The following SRSF11 variants were observed in gnomAD, a reference collection of about 807,000 sequenced individuals.
The protein encoded by SRSF11 is serine and arginine rich splicing factor 11.
SRSF11 carries 9 observed loss-of-function variants against 56.0 expected under a neutral mutation model. That is an observed-to-expected ratio of 0.16 (90% CI 0.10 to 0.28). SRSF11 has a LOEUF of 0.28. SRSF11 is among the 10% of genes least tolerant of loss of function. The pLI is 1.00. For synonymous variants in SRSF11, 222 were observed against 215.3 expected (o/e 1.03, Z -0.27); for missense variants, 421 against 600.7 (o/e 0.70, Z 3.13).
In SRSF11 at chr1:70,251,976, CTT is replaced by C. The variant is rs1274156002; in HGVS notation, c.*1173_*1174del. 1 of 152,574 alleles carries C rather than the reference CTT, an allele frequency of 6.6e-6. No homozygotes were observed. Among genetic ancestry groups the C allele is most frequent in the Non-Finnish European group, 1.5e-5 (1 of 67,990 alleles). The allele number at this position is 152,574 out of a possible 1,614,324, so 9.5% of individuals were successfully genotyped here. A position where few individuals can be genotyped will look rare whatever the true frequency, so the allele number is the denominator to read the frequency against. The stretch of plus-strand genomic sequence containing the variant: ...CAGTTTCTGAAATTGTTTTACAAGA[CTT>C]TGATAATAAAACCCTTAAACTTATG... On this transcript the variant is annotated 3_prime_UTR_variant, in exon 12 of 12. Transcript: ENST00000370949.
At chr1:70,247,897 G>A (rs1192690976) in intron 9 of SRSF11, among the ~76,000 whole-genome samples, 1 of 152,080 alleles carries the variant, frequency 6.6e-6, no homozygotes, top group African/African-American at 2.4e-5. Context: ...CAAATATCTA[G>A]TAAGTACATA....
At chr1:70,219,464 A>T (rs959829367), upstream of SRSF11, among the ~76,000 whole-genome samples, 11 of 152,244 alleles carry the variant, frequency 7.2e-5, no homozygotes, top group Non-Finnish European at 1.5e-4. Flanking sequence ...TTAGACAAGA[A>T]ATAAAAAGTC....
intron 7 of SRSF11, among the ~76,000 whole-genome samples, chr1:70,240,163 A>C (rs979698949): frequency 6.6e-6 from 1 of 152,254 alleles, no homozygotes; most frequent in African/African-American, 2.4e-5. Flanking sequence ...GAAGTGATTT[A>C]TGCATACTTT....
At chr1:70,219,953 T>G (rs908767711), upstream of SRSF11, among the ~76,000 whole-genome samples, 2 of 152,272 alleles carry the variant, frequency 1.3e-5, no homozygotes, top group Non-Finnish European at 1.5e-5. Flanking sequence ...TTTGTTTGTT[T>G]TTACCTCCAA....
At chr1:70,241,336 CTGTTTT>C (rs1157482048) in intron 7 of SRSF11, among the ~76,000 whole-genome samples, 1 of 152,096 alleles carries the variant, frequency 6.6e-6, no homozygotes, top group African/African-American at 2.4e-5. Flanking sequence ...TCTTTTCACT[CTGTTTT>C]TATCTTTTAA....
intron 2 of SRSF11, chr1:70,230,717 AT>A: frequency 8.4e-7 from 1 of 1,196,962 alleles, no homozygotes; most frequent in Non-Finnish European, 1.1e-6. Context: ...TTTTTAATGG[AT>A]GCAGATCTTC....
chr1:70,249,724 A>AT (rs1301107935), intron 9 of SRSF11: 1 of 421,186 alleles, frequency 2.4e-6, no homozygotes, highest in Non-Finnish European at 4.4e-6. Context: ...CACCTGGCTA[A>AT]TTTTTTTGTA....
chr1:70,211,514 C>G (rs369173938), intron 1 of SRSF11, among the ~76,000 whole-genome samples: 3 of 152,070 alleles, frequency 2.0e-5, no homozygotes, highest in Non-Finnish European at 2.9e-5. Context: ...GGAGAAAAAT[C>G]TGAATAATTT....
rs752076257 is a variant in SRSF11, at chr1:70,232,092, T to G, written c.338-176T>G. 9 of 1,544,556 alleles carry G rather than the reference T, an allele frequency of 5.8e-6. No homozygotes were observed. The South Asian group carries it at 1.1e-4, about 19-fold the overall frequency. On this transcript the variant is annotated intron_variant, in intron 2 of 11. Transcript: ENST00000370949. The stretch of plus-strand genomic sequence containing the variant: ...GAAACAAATTTTCACACATTGAAGT[T>G]CATTCTGACATAAAATTAATGATAA...
upstream of SRSF11, among the ~76,000 whole-genome samples, chr1:70,216,796 C>T (rs1292190993): frequency 2.6e-5 from 4 of 152,156 alleles, no homozygotes; most frequent in African/African-American, 9.7e-5. Context: ...CTTTCCCTTA[C>T]TTACATCCAA....
intron 7 of SRSF11, among the ~76,000 whole-genome samples, chr1:70,242,366 CCCCCACA>C (rs932499723): frequency 1.2e-4 from 18 of 151,670 alleles, no homozygotes; most frequent in Admixed American, 5.9e-4. Context: ...ACACACACAC[CCCCCACA>C]CCCCACACCC....
chr1:70,214,630 A>T (rs1258913625), intron 1 of SRSF11, among the ~76,000 whole-genome samples: 1 of 152,176 alleles, frequency 6.6e-6, no homozygotes, highest in African/African-American at 2.4e-5. Context: ...TGAAAGAAGT[A>T]TTTGAAAATA....
In SRSF11 at chr1:70,221,482, A is replaced by AACGGCG; in HGVS notation, c.-154_-149dup. Reference sequence around the variant, plus strand: ...CCCGCGGCGTGCGGCGGGGCGGAGAAACGGCGGCGGCGGCGGCGGCATCGG... The same window carrying AACGGCG: ...CCCGCGGCGTGCGGCGGGGCGGAGAAACGGCGACGGCGGCGGCGGCGGCGGCATCGG... On this transcript the variant is annotated 5_prime_UTR_variant, in exon 1 of 12. Transcript: ENST00000370949. 8.9e-7 allele frequency: 1 copy of AACGGCG among 1,129,548 alleles called. No individual in the cohort carries two copies. Among genetic ancestry groups the AACGGCG allele is most frequent in the Non-Finnish European group, 1.2e-6 (1 of 803,204 alleles). The allele number at this position is 1,129,548 out of a possible 1,614,324, so 70.0% of individuals were successfully genotyped here.
chr1:70,218,175 AGCC>A (rs1558147335), upstream of SRSF11, among the ~76,000 whole-genome samples: 1 of 151,986 alleles, frequency 6.6e-6, no homozygotes, highest in Non-Finnish European at 1.5e-5. Flanking sequence ...TCACCATGTT[AGCC>A]AGGATGGTCT....
At chr1:70,241,629 CTAA>C (rs1355004040) in intron 7 of SRSF11, among the ~76,000 whole-genome samples, 8 of 152,206 alleles carry the variant, frequency 5.3e-5, no homozygotes, top group African/African-American at 1.4e-4. Context: ...AGTTACAGGA[CTAA>C]TTGCCTCAAC....
intron 1 of SRSF11, among the ~76,000 whole-genome samples, chr1:70,226,655 G>GAT (rs1219219295): frequency 6.6e-6 from 1 of 152,146 alleles, no homozygotes; most frequent in Non-Finnish European, 1.5e-5. Flanking sequence ...AATAATATAA[G>GAT]ATGATAGCAT....
chr1:70,224,936 G>GA (rs1257197622), intron 1 of SRSF11, among the ~76,000 whole-genome samples: 1 of 152,172 alleles, frequency 6.6e-6, no homozygotes, highest in South Asian at 2.1e-4. Context: ...AAACCTGGAG[G>GA]AAAAAAATGT....
intron 2 of SRSF11, 136 bp downstream of exon 2, chr1:70,228,691 A>G: frequency 7.4e-7 from 1 of 1,344,472 alleles, no homozygotes; most frequent in Non-Finnish European, 9.6e-7. Flanking sequence ...GCAGTCCGTA[A>G]TTTTTGCTTG....
At chr1:70,208,002 T>G (rs546173963) in intron 1 of SRSF11, among the ~76,000 whole-genome samples, 23 of 152,054 alleles carry the variant, frequency 1.5e-4, no homozygotes, top group Non-Finnish European at 2.4e-4. Flanking sequence ...ATGAGCCACC[T>G]CAAGCAATCC....
Sources: allele counts gnomAD v4.1 joint callset (sites outside exome capture counted in the v4.1 genomes callset), GRCh38; gene constraint gnomAD v4.1.1; transcripts MANE v1.5; gene names NCBI Gene and HGNC (gene_info 2026-07-23, HGNC 2026-07-21).